Variants in SOX5 observed in about 807,000 individuals in gnomAD.
SOX5 encodes the protein SRY-box transcription factor 5.
A neutral mutation model predicts 92.0 loss-of-function variants in SOX5; 9 were observed. That is an observed-to-expected ratio of 0.10 (90% CI 0.06 to 0.17). The LOEUF is 0.17. SOX5 is among the 10% of genes least tolerant of loss of function. SOX5 has a pLI of 1.00. For synonymous variants in SOX5, 344 were observed against 336.3 expected (o/e 1.02, Z -0.25); for missense variants, 642 against 944.5 (o/e 0.68, Z 4.20).
intron 7 of SOX5, among the ~76,000 whole-genome samples, chr12:23,658,093 C>A (rs1482232783): frequency 6.6e-6 from 1 of 152,050 alleles, no homozygotes; most frequent in African/African-American, 2.4e-5. Flanking sequence ...GATCAGTTAT[C>A]ATCTCACAGT....
At chr12:24,003,460 T>G (rs1951822817) in intron 4 of SOX5, among the ~76,000 whole-genome samples, 1 of 151,980 alleles carries the variant, frequency 6.6e-6, no homozygotes, top group Non-Finnish European at 1.5e-5. Flanking sequence ...TCAGCAAGAT[T>G]GCCAAATACA....
rs377500405 is a variant in SOX5 at position 24,526,615 on chromosome 12, G to A, written c.-251+35714C>T. ...AGGAAGTATAACAAAAGCGCAAGAA[G>A]AAAGAAGAGTGGGCTCCCCCAACCA... On this transcript the variant is annotated intron_variant, in intron 1 of 4. Transcript: ENST00000446891. Among the ~76,000 whole-genome samples, 15 of 152,158 alleles carry A rather than the reference G, an allele frequency of 9.9e-5. No homozygotes were observed. The East Asian group carries it at 2.9e-3, about 29-fold the overall frequency.
chr12:24,315,374 A>G lies in SOX5; in HGVS notation c.-173-38062T>C, dbSNP rs1949602140. ...ATATCTTACTTGTACTTTAGTAAAAAGAAAAAAGTTAAAGAGATTAAGAGA... is the reference window on the plus strand; with the variant it reads ...ATATCTTACTTGTACTTTAGTAAAAGGAAAAAAGTTAAAGAGATTAAGAGA... On this transcript the variant is annotated intron_variant, in intron 2 of 4. Transcript: ENST00000446891. 2.0e-5 allele frequency among the ~76,000 whole-genome samples: 3 copies of G among 149,410 alleles called. No individual in the cohort carries two copies. The East Asian group carries it at 5.8e-4, about 29-fold the overall frequency.
chr12:23,680,737 G>C (rs1299578095), intron 6 of SOX5, among the ~76,000 whole-genome samples: 1 of 152,022 alleles, frequency 6.6e-6, no homozygotes, highest in Non-Finnish European at 1.5e-5. Flanking sequence ...GAAAGGCAAA[G>C]ATAAACCTTA....
intron 4 of SOX5, among the ~76,000 whole-genome samples, chr12:24,053,407 G>A (rs1957778271): frequency 6.6e-6 from 1 of 152,054 alleles, no homozygotes; most frequent in Non-Finnish European, 1.5e-5. Context: ...TGTGATTATA[G>A]GCATGAGCTA....
At chr12:24,379,821 T>A (rs1331753332) in intron 1 of SOX5, among the ~76,000 whole-genome samples, 1 of 112,840 alleles carries the variant, frequency 8.9e-6, no homozygotes, top group Non-Finnish European at 2.0e-5. Context: ...CAAATCGGAT[T>A]TTTACCACTT....
At chr12:23,653,245 T>C (rs1237244210) in intron 7 of SOX5, among the ~76,000 whole-genome samples, 1 of 152,100 alleles carries the variant, frequency 6.6e-6, no homozygotes, top group African/African-American at 2.4e-5. Context: ...TAGCTGTTTA[T>C]AGGTCCATGT....
intron 1 of SOX5, among the ~76,000 whole-genome samples, chr12:23,930,028 A>G (rs962953194): frequency 2.6e-5 from 4 of 151,828 alleles, no homozygotes; most frequent in African/African-American, 9.7e-5. Flanking sequence ...TCTTTTTCCA[A>G]TTCAAACCAC....
chr12:24,217,872 A>T (rs548401563), intron 3 of SOX5, among the ~76,000 whole-genome samples: 2 of 152,216 alleles, frequency 1.3e-5, no homozygotes, highest in Non-Finnish European at 2.9e-5. Context: ...ATGTACAAAG[A>T]TGATGCTCAA....
At chr12:24,098,515 T>C (rs145188063) in intron 4 of SOX5, among the ~76,000 whole-genome samples, 3 of 152,254 alleles carry the variant, frequency 2.0e-5, no homozygotes, top group Non-Finnish European at 4.4e-5. Flanking sequence ...TAGGACTTAC[T>C]AACAGGACAA....
At chr12:23,978,544 T>A (rs925643950) in intron 4 of SOX5, among the ~76,000 whole-genome samples, 2 of 152,218 alleles carry the variant, frequency 1.3e-5, no homozygotes, top group African/African-American at 2.4e-5. Context: ...CTTATAATCA[T>A]TATGCAGTCC....
chr12:24,512,705 C>T (rs929558056), intron 1 of SOX5, among the ~76,000 whole-genome samples: 4 of 152,186 alleles, frequency 2.6e-5, no homozygotes, highest in Non-Finnish European at 5.9e-5. Flanking sequence ...ATTGCTCTAG[C>T]ATCCAATGTC....
intron 2 of SOX5, among the ~76,000 whole-genome samples, chr12:24,338,652 C>A (rs1952190664): frequency 6.6e-6 from 1 of 152,258 alleles, no homozygotes; most frequent in African/African-American, 2.4e-5. Context: ...CCATAATCCC[C>A]ATGTGTTGTG....
At chr12:23,570,910 CAAAAAAAAAAAAAA>C (rs148593886) in intron 10 of SOX5, among the ~76,000 whole-genome samples, 1 of 8,164 alleles carries the variant, frequency 1.2e-4, no homozygotes, top group African/African-American at 3.5e-4. Flanking sequence ...GACTCCAACT[CAAAAAAAAAAAAAA>C]AAAAAAATAT....
chr12:23,568,685 T>C (rs1425737114), intron 10 of SOX5, among the ~76,000 whole-genome samples: 2 of 152,056 alleles, frequency 1.3e-5, no homozygotes, highest in Non-Finnish European at 2.9e-5. Context: ...AGGTCTCTCC[T>C]TTACCCTCTA....
rs576699871 is a variant in SOX5, at chr12:23,907,174, GT to G, written c.39-11151del. 2.5e-4 allele frequency among the ~76,000 whole-genome samples: 38 copies of G among 152,238 alleles called. 1 individual carries two copies. The South Asian group carries it at 7.3e-3, about 29-fold the overall frequency. Reference sequence around the variant, plus strand: ...GTCTTGTTTATATATGCAACCATGTGTGTGCATGTGTGTATGTGTGCACACG... The same window carrying G: ...GTCTTGTTTATATATGCAACCATGTGGTGCATGTGTGTATGTGTGCACACG... On this transcript the variant is annotated intron_variant, in intron 1 of 14. Transcript: ENST00000451604.
intron 6 of SOX5, among the ~76,000 whole-genome samples, chr12:23,728,490 G>A (rs551477938): frequency 2.2e-4 from 33 of 152,198 alleles, no homozygotes; most frequent in South Asian, 1.7e-3. Flanking sequence ...ACATCAGCAG[G>A]TCAGTTAGGT....
At chr12:23,634,804 G>T (rs1272018587) in intron 8 of SOX5, among the ~76,000 whole-genome samples, 1 of 151,996 alleles carries the variant, frequency 6.6e-6, no homozygotes, top group South Asian at 2.1e-4. Flanking sequence ...GTTTTAAAAG[G>T]TGATTAATTA....
At chr12:23,741,110 T>C in intron 4 of SOX5, 71 bp from the exon 5 acceptor site, 3 of 1,202,310 alleles carry the variant, frequency 2.5e-6, no homozygotes, top group Non-Finnish European at 2.3e-6. Context: ...AAAATGGCTC[T>C]GTTGTATACA....
Sources: allele counts gnomAD v4.1 joint callset (sites outside exome capture counted in the v4.1 genomes callset), GRCh38; gene constraint gnomAD v4.1.1; transcripts MANE v1.5; gene names NCBI Gene and HGNC (gene_info 2026-07-23, HGNC 2026-07-21).